INPP4A: variants seen among roughly 807,000 people sequenced by gnomAD.
INPP4A encodes inositol polyphosphate-4-phosphatase type I A.
INPP4A carries 33 observed loss-of-function variants against 119.8 expected under a neutral mutation model. That is an observed-to-expected ratio of 0.28 (90% CI 0.21 to 0.37). The LOEUF (loss-of-function observed/expected upper bound fraction) is 0.37, where lower values mean the gene tolerates loss of function less well. INPP4A is among the 10% of genes least tolerant of loss of function. The probability of loss-of-function intolerance (pLI) is 1.00; values close to 1 mark genes in which losing one functional copy is unlikely to be tolerated. For missense variants in INPP4A, 956 were observed against 1,289.9 expected (o/e 0.74, Z 3.97); for synonymous variants, 496 against 500.7 (o/e 0.99, Z 0.12).
At chr2:98,465,264 C>T (rs993183098) in intron 1 of INPP4A, among the ~76,000 whole-genome samples, 2 of 152,160 alleles carry the variant, frequency 1.3e-5, no homozygotes, top group Admixed American at 6.5e-5. Context: ...TGGCTTGCCT[C>T]GGCTGCCGGC....
intron 23 of INPP4A, among the ~76,000 whole-genome samples, chr2:98,576,318 A>G (rs760897008): frequency 3.3e-5 from 5 of 152,158 alleles, no homozygotes; most frequent in African/African-American, 4.8e-5. Flanking sequence ...GCCTTTTCCC[A>G]GTCCAGAGGC....
intron 1 of INPP4A, among the ~76,000 whole-genome samples, chr2:98,452,795 C>T (rs561248406): frequency 1.7e-4 from 26 of 152,218 alleles, no homozygotes; most frequent in Non-Finnish European, 3.4e-4. Context: ...CCAGGTCCCT[C>T]TCTGGCCTAG....
chr2:98,552,491 G>A (rs1297881088), intron 13 of INPP4A: 50 of 495,256 alleles, frequency 1.0e-4, no homozygotes, highest in South Asian at 6.6e-4. Flanking sequence ...GGGTGATTAT[G>A]GGATATGATT....
At chr2:98,504,632 A>G (rs1683707375) in intron 1 of INPP4A, among the ~76,000 whole-genome samples, 1 of 152,162 alleles carries the variant, frequency 6.6e-6, no homozygotes, top group Non-Finnish European at 1.5e-5. Context: ...TTGATCTGTG[A>G]TGGTTGCTTC....
chr2:98,543,215 G>C (rs191122731), intron 10 of INPP4A, among the ~76,000 whole-genome samples: 1 of 152,280 alleles, frequency 6.6e-6, no homozygotes, highest in East Asian at 1.9e-4. Flanking sequence ...TCTTTGTCCC[G>C]TACCCAAAAA....
At chr2:98,537,522 C>T (rs1481310249) in intron 7 of INPP4A, among the ~76,000 whole-genome samples, 1 of 152,192 alleles carries the variant, frequency 6.6e-6, no homozygotes, top group East Asian at 1.9e-4. Flanking sequence ...TGACACGTGT[C>T]CCCCTCACCC....
At chr2:98,586,605 G>A (rs548061373) in intron 24 of INPP4A, among the ~76,000 whole-genome samples, 5 of 152,286 alleles carry the variant, frequency 3.3e-5, no homozygotes, top group South Asian at 2.1e-4. Flanking sequence ...CCCCGGACGC[G>A]CTCACTGAGT....
chr2:98,525,119 G>A (rs995783908), intron 4 of INPP4A, among the ~76,000 whole-genome samples: 1 of 152,182 alleles, frequency 6.6e-6, no homozygotes, highest in Non-Finnish European at 1.5e-5. Context: ...GCAGAATTCA[G>A]TTGCTAGTGG....
intron 1 of INPP4A, among the ~76,000 whole-genome samples, chr2:98,472,852 C>T (rs946332846): frequency 5.9e-5 from 9 of 152,248 alleles, no homozygotes; most frequent in African/African-American, 1.9e-4. Context: ...GCCTCCAGGC[C>T]TCCCTCTCCA....
chr2:98,455,747 G>A (rs1047233917), intron 1 of INPP4A, among the ~76,000 whole-genome samples: 2 of 152,116 alleles, frequency 1.3e-5, no homozygotes, highest in Non-Finnish European at 2.9e-5. Context: ...GTTGTTCTTT[G>A]GTCTGTTGCC....
At chr2:98,539,499 A>G in intron 9 of INPP4A, 29 bp from the exon 10 acceptor site, 1 of 1,591,550 alleles carries the variant, frequency 6.3e-7, no homozygotes. Context: ...GTTCATTTGC[A>G]GCCTGTCTCC....
At chr2:98,455,144 C>T (rs1189711637) in intron 1 of INPP4A, among the ~76,000 whole-genome samples, 11 of 152,034 alleles carry the variant, frequency 7.2e-5, no homozygotes, top group African/African-American at 2.7e-4. Context: ...TTCAGACCGG[C>T]CTGAGCAACA....
intron 1 of INPP4A, among the ~76,000 whole-genome samples, chr2:98,475,529 G>A (rs921354848): frequency 1.1e-4 from 16 of 152,232 alleles, no homozygotes; most frequent in African/African-American, 2.9e-4. Flanking sequence ...CACAGAAGTA[G>A]TCAGAATATA....
intron 1 of INPP4A, among the ~76,000 whole-genome samples, chr2:98,449,898 A>G (rs1429632394): frequency 6.6e-6 from 1 of 152,166 alleles, no homozygotes; most frequent in African/African-American, 2.4e-5. Context: ...TTTTAATTGC[A>G]TTTCCCAAAT....
At position 98,583,599 on chromosome 2, in the gene INPP4A, C is replaced by G. The variant is rs1699631651; in HGVS notation, c.2787-3877C>G. On this transcript the variant is annotated intron_variant, in intron 24 of 24. Coordinates refer to ENST00000409851, the MANE Select transcript of INPP4A (RefSeq NM_001134225.2). ...TCATATTATGTTGTGCCTCCACTTT[C>G]TATCTCCAGCTGGTTCCCCATACAC... 2.6e-5 allele frequency among the ~76,000 whole-genome samples: 4 copies of G among 152,354 alleles called. No homozygotes were observed. In the South Asian group the frequency reaches 8.3e-4, roughly 32 times the overall value.
chr2:98,541,184 G>A (rs550540388), intron 10 of INPP4A, among the ~76,000 whole-genome samples: 8 of 152,120 alleles, frequency 5.3e-5, no homozygotes, highest in South Asian at 2.1e-4. Context: ...AAAATTAGCC[G>A]GGCGCGGTGG....
At chr2:98,452,183 C>T (rs1695351055) in intron 1 of INPP4A, among the ~76,000 whole-genome samples, 1 of 152,204 alleles carries the variant, frequency 6.6e-6, no homozygotes, top group Admixed American at 6.5e-5. Flanking sequence ...CAGTCCTTCC[C>T]TCTGGCCTGT....
At chr2:98,574,488 A>C (rs1277954521) in intron 23 of INPP4A, among the ~76,000 whole-genome samples, 4 of 152,062 alleles carry the variant, frequency 2.6e-5, no homozygotes, top group Admixed American at 2.6e-4. Flanking sequence ...AAATACAAAA[A>C]TTAGCCAGGC....
At position 98,546,707 on chromosome 2, in the gene INPP4A, A is replaced by G. The variant is rs1692538469; in HGVS notation, c.1163+13A>G. ...AGACCAAGAAACAGTAAGTAGCCAG[A>G]GAGGGTTTGTGGTCCTTGTACAGCT... On this transcript the variant is annotated intron_variant, in intron 13 of 24. Transcript: ENST00000409851. This position sits in a 1 kb window ranked among gnomAD's most constrained non-coding sequence, Gnocchi z 4.2. 1.3e-6 allele frequency: 2 copies of G among 1,515,420 alleles called. No individual in the cohort carries two copies. The highest frequency in any genetic ancestry group is 1.4e-5 in the African/African-American group (1 of 72,884). The allele number at this position is 1,515,420 out of a possible 1,614,324, so 93.9% of individuals were successfully genotyped here.
Sources: allele counts gnomAD v4.1 joint callset (sites outside exome capture counted in the v4.1 genomes callset), GRCh38; gene constraint gnomAD v4.1.1; non-coding constraint Gnocchi (gnomAD v3.1); transcripts MANE v1.5; gene names NCBI Gene and HGNC (gene_info 2026-07-23, HGNC 2026-07-21).